MAOA: variants seen among roughly 807,000 people sequenced by gnomAD.
MAOA encodes amine oxidase [flavin-containing] A.
MAOA carries 6 observed loss-of-function variants against 42.0 expected under a neutral mutation model. The ratio of observed to expected loss-of-function variants is 0.14; its 90% CI spans 0.08 to 0.28. The LOEUF is 0.28. Ranked by LOEUF, MAOA falls within the 10% of genes least tolerant of loss-of-function variation. MAOA has a pLI of 1.00. For missense variants in MAOA, 262 were observed against 422.3 expected, an observed-to-expected ratio of 0.62 and a Z score of 3.33; for synonymous variants, 140 against 154.0, an observed-to-expected ratio of 0.91 and a Z score of 0.67.
intron 1 of MAOA, among the ~76,000 whole-genome samples, chrX:43,657,204 ATATATATATATGAACTGTGTT>A (rs1366371249): frequency 7.5e-4 from 67 of 89,680 alleles, no homozygotes; most frequent in African/African-American, 3.1e-3. Context: ...AACTGTGTTT[ATATATATATATGAACTGTGTT>A]TATATATATA....
chrX:43,716,292 G>A (rs763189091), intron 5 of MAOA, among the ~76,000 whole-genome samples: 2 of 109,710 alleles, frequency 1.8e-5, no homozygotes, highest in South Asian at 4.0e-4. Flanking sequence ...TGAGCCACAG[G>A]GCAGGGGGTA....
chrX:43,674,784 T>C lies in MAOA; in HGVS notation c.74-8729T>C, dbSNP rs1294345286. Among the ~76,000 whole-genome samples the C allele has an allele frequency of 8.1e-5, 9 of 111,159 alleles. No individual in the cohort carries two copies. In the South Asian group the frequency reaches 3.5e-3, roughly 43 times the overall value. The stretch of plus-strand genomic sequence containing the variant: ...ATGTTGAATATTGGCCCCCACTCTC[T>C]TCTGGCTTGTAGAGTTTCTGCCGAG... On this transcript the variant is annotated intron_variant, in intron 1 of 14. Coordinates refer to ENST00000338702, the MANE Select transcript of MAOA (RefSeq NM_000240.4).
rs142909083 is a variant in MAOA at position 43,681,128 on chromosome X, C to T, written c.74-2385C>T. 9.6e-3 allele frequency among the ~76,000 whole-genome samples: 1,062 copies of T among 111,106 alleles called. 7 individuals are homozygous for T. Among genetic ancestry groups the T allele is most frequent in the African/African-American group, 0.033 (1,008 of 30,550 alleles). On this transcript the variant is annotated intron_variant, in intron 1 of 14. Coordinates refer to ENST00000338702, the MANE Select transcript of MAOA (RefSeq NM_000240.4). ...ATTTAGTGTTCAGGCTCATCTTGTA[C>T]ATTTCCTGCCTCAGGTCTCACTAGG... is the stretch of plus-strand genomic sequence containing the variant.
At chrX:43,740,873 T>C in intron 11 of MAOA, 135 bp downstream of exon 11, 1 of 556,471 alleles carries the variant, frequency 1.8e-6, no homozygotes, top group Middle Eastern at 4.2e-4. Flanking sequence ...GAGGATAAAC[T>C]TCAGCAGTCA....
In MAOA at chrX:43,744,501, G is replaced by A; in HGVS notation, c.1572G>A (p.Leu524=). The A allele has an allele frequency of 8.3e-7, 1 of 1,210,660 alleles. No homozygotes were observed. The change falls in exon 15 of 15, where the codon CTG becomes CTA. Residue 524 remains leucine (L), a synonymous_variant. Coordinates refer to ENST00000338702, the MANE Select transcript of MAOA (RefSeq NM_000240.4). ...LGFVLYKYKL[L]PRS Reference sequence around the variant, plus strand: ...TTGTGCTGTACAAATACAAGCTCCTGCCACGGTCTTGAAGTTCTGTTCTTA... The same window carrying A: ...TTGTGCTGTACAAATACAAGCTCCTACCACGGTCTTGAAGTTCTGTTCTTA...
chrX:43,676,310 A>T (rs978563133), intron 1 of MAOA, among the ~76,000 whole-genome samples: 4 of 111,884 alleles, frequency 3.6e-5, no homozygotes, highest in African/African-American at 1.3e-4. Flanking sequence ...GCGCAGTATT[A>T]GGGTGGGAGT....
intron 1 of MAOA, among the ~76,000 whole-genome samples, chrX:43,672,017 T>C (rs2033341114): frequency 9.0e-6 from 1 of 111,479 alleles, no homozygotes; most frequent in African/African-American, 3.3e-5. Context: ...CCATTGAATC[T>C]ATAAATTACC....
intron 1 of MAOA, among the ~76,000 whole-genome samples, chrX:43,678,860 T>C (rs2033421143): frequency 8.9e-6 from 1 of 112,315 alleles, no homozygotes; most frequent in African/African-American, 3.2e-5. Context: ...AACAGCATCA[T>C]ACTTTTATTT....
chrX:43,664,395 A>C (rs1911220463), intron 1 of MAOA, among the ~76,000 whole-genome samples: 1 of 111,591 alleles, frequency 9.0e-6, no homozygotes, highest in South Asian at 3.7e-4. Context: ...TGAGGCATAG[A>C]ATCTGTGTAA....
intron 1 of MAOA, among the ~76,000 whole-genome samples, chrX:43,664,137 A>G (rs1204926480): frequency 1.8e-5 from 2 of 112,105 alleles, no homozygotes; most frequent in Non-Finnish European, 3.8e-5. Context: ...AGTTACTAGT[A>G]ATGAATTTTT....
intron 2 of MAOA, among the ~76,000 whole-genome samples, chrX:43,690,712 T>C (rs976400334): frequency 4.2e-4 from 46 of 110,694 alleles, no homozygotes; most frequent in African/African-American, 1.4e-3. Flanking sequence ...ATGGATAGCT[T>C]AAATTCAGAT....
At chrX:43,700,082 C>T (rs757702779) in intron 3 of MAOA, among the ~76,000 whole-genome samples, 1 of 112,018 alleles carries the variant, frequency 8.9e-6, no homozygotes, top group African/African-American at 3.2e-5. Flanking sequence ...ATATTTGCCT[C>T]CTTTCTTTTA....
rs1467673722 is a variant in MAOA, at chrX:43,736,295, C to T, written c.1106+15C>T. The T allele has an allele frequency of 2.6e-6, 3 of 1,132,316 alleles. No individual in the cohort carries two copies. The Admixed American group carries it at 6.7e-5, about 25-fold the overall frequency. The allele number at this position is 1,132,316 out of a possible 1,213,427, so 93.3% of individuals were successfully genotyped here. On this transcript the variant is annotated intron_variant, in intron 10 of 14. Transcript: ENST00000338702. ...AAGGAAATAAGGTAAGAATTTATAA[C>T]TGAAAAATAGATGAAAAAGTTAGCT...
chrX:43,744,442 A>G lies in MAOA; in HGVS notation c.1513A>G (p.Ile505Val). 2.5e-6 allele frequency: 3 copies of G among 1,209,657 alleles called. No homozygotes were observed. The highest frequency in any genetic ancestry group is 3.4e-6 in the Non-Finnish European group (3 of 893,795). ...CTCTGTTTCTGGCCTGCTGAAGATC[A>G]TTGGATTTTCCACATCAGTAACTGC... ...LPSVSGLLKI[I>V]GFSTSVTALG... is the part of the protein sequence containing the mutation. The change falls in exon 15 of 15, where the codon ATT becomes GTT. Residue 505 changes from isoleucine (I) to valine (V), a missense_variant. By Grantham distance (29) the Ile-to-Val change is conservative (BLOSUM62 3). Transcript: ENST00000338702.
At chrX:43,721,619 G>A (rs1273838303) in intron 5 of MAOA, among the ~76,000 whole-genome samples, 1 of 110,057 alleles carries the variant, frequency 9.1e-6, no homozygotes, top group Admixed American at 9.7e-5. Flanking sequence ...GAGAAGATGG[G>A]TATTGAAAGA....
At chrX:43,704,136 A>G (rs895144879) in intron 3 of MAOA, among the ~76,000 whole-genome samples, 16 of 111,563 alleles carry the variant, frequency 1.4e-4, no homozygotes, top group African/African-American at 4.9e-4. Context: ...AGATTTCTCA[A>G]TTCATCCTAT....
intron 5 of MAOA, among the ~76,000 whole-genome samples, chrX:43,717,465 C>T (rs967792630): frequency 9.0e-6 from 1 of 111,600 alleles, no homozygotes; most frequent in Non-Finnish European, 1.9e-5. Flanking sequence ...GAATGAGCCA[C>T]AGGTGTGGGA....
At chrX:43,735,561 C>A (rs185876072) in intron 9 of MAOA, among the ~76,000 whole-genome samples, 1 of 112,428 alleles carries the variant, frequency 8.9e-6, no homozygotes, top group East Asian at 2.8e-4. Flanking sequence ...TTGGGAAGTG[C>A]TCTGGGGATG....
Position 43,731,288 on chromosome X carries a change from G to A in MAOA, c.693G>A (p.Met231Ile). The A allele has an allele frequency of 8.3e-7, 1 of 1,208,916 alleles. No homozygotes were observed. Among genetic ancestry groups the A allele is most frequent in the Non-Finnish European group, 1.1e-6 (1 of 892,944 alleles). Reference protein sequence around the residue: ...GGSGQVSERIMDLLGDQVKLN... With the variant: ...GGSGQVSERIIDLLGDQVKLN... ...CTGGTCAAGTGAGCGAACGGATAAT[G>A]GACCTCCTCGGAGACCAAGTGAAGC... The change falls in exon 7 of 15, where the codon ATG becomes ATA. Residue 231 changes from methionine (M) to isoleucine (I), a missense_variant. Physicochemically the swap from Met to Ile is conservative, Grantham distance 10. This residue lies in a region of MAOA where 141 missense variants were observed against 195.6 expected (regional missense o/e 0.72). Transcript: ENST00000338702.
Sources: allele counts gnomAD v4.1 joint callset (sites outside exome capture counted in the v4.1 genomes callset), GRCh38; gene constraint gnomAD v4.1.1; regional missense constraint gnomAD v4.1.1; transcripts MANE v1.5; gene names NCBI Gene and HGNC (gene_info 2026-07-23, HGNC 2026-07-21).